Variants in ZSWIM6 observed in about 807,000 individuals in gnomAD.
ZSWIM6 encodes zinc finger SWIM-type containing 6, also known as zinc finger SWIM domain-containing protein 6.
Under a neutral mutation model 113.2 loss-of-function variants are expected in ZSWIM6, and 9 were observed. The observed-to-expected ratio is 0.08, with a 90% confidence interval of 0.05 to 0.14. The LOEUF (loss-of-function observed/expected upper bound fraction) is 0.14, where lower values mean the gene tolerates loss of function less well. ZSWIM6 is among the 10% of genes least tolerant of loss of function. The pLI, the probability that ZSWIM6 is intolerant of heterozygous loss-of-function variation, is 1.00. For synonymous variants in ZSWIM6, 611 were observed against 606.5 expected, an observed-to-expected ratio of 1.01 and a Z score of -0.11; for missense variants, 1,162 against 1,552.2, an observed-to-expected ratio of 0.75 and a Z score of 4.22.
chr5:61,356,769 AATAT>A (rs1461832346), intron 1 of ZSWIM6, among the ~76,000 whole-genome samples: 2 of 140,490 alleles, frequency 1.4e-5, no homozygotes, highest in Admixed American at 7.5e-5. Context: ...TAATATGTAT[AATAT>A]ATATATAAAT....
chr5:61,460,636 A>T (rs1218696118), intron 1 of ZSWIM6, among the ~76,000 whole-genome samples: 1 of 152,188 alleles, frequency 6.6e-6, no homozygotes. Flanking sequence ...TTGTCCAATA[A>T]TGCAGTGACT....
intron 1 of ZSWIM6, among the ~76,000 whole-genome samples, chr5:61,376,423 T>C (rs1745374888): frequency 6.6e-6 from 1 of 151,926 alleles, no homozygotes; most frequent in African/African-American, 2.4e-5. Context: ...ATGGACACAG[T>C]AGCCATGCTT....
At chr5:61,358,082 G>C (rs895514335) in intron 1 of ZSWIM6, among the ~76,000 whole-genome samples, 3 of 152,240 alleles carry the variant, frequency 2.0e-5, no homozygotes, top group South Asian at 4.1e-4. Flanking sequence ...CCACCATTTT[G>C]TATGTCTTCT....
intron 1 of ZSWIM6, among the ~76,000 whole-genome samples, chr5:61,452,922 G>A (rs984041003): frequency 6.6e-6 from 1 of 152,164 alleles, no homozygotes; most frequent in East Asian, 1.9e-4. Context: ...CACTTTTGAA[G>A]AGTACTGGTT....
intron 4 of ZSWIM6, among the ~76,000 whole-genome samples, chr5:61,505,797 G>A (rs1748602994): frequency 6.7e-6 from 1 of 149,726 alleles, no homozygotes; most frequent in Non-Finnish European, 1.5e-5. Context: ...CACCCAGGCT[G>A]GAGTGCAGTG....
Position 61,333,190 on chromosome 5 carries a change from C to T in ZSWIM6, c.676+242C>T, listed in dbSNP as rs982356367. On this transcript the variant is annotated intron_variant, in intron 1 of 13. Transcript: ENST00000252744. ...AAATGAATCAGCAGGACGCGCCCCT[C>T]CGTGGGCTCCGCGCCCCCGGCCCGC... is the stretch of plus-strand genomic sequence containing the variant. Among the ~76,000 whole-genome samples the T allele has an allele frequency of 6.8e-4, 104 of 152,090 alleles. 2 individuals are homozygous for T. Among genetic ancestry groups the T allele is most frequent in the Admixed American group, 6.8e-3 (104 of 15,304 alleles).
At chr5:61,511,754 A>T (rs552704020) in intron 4 of ZSWIM6, among the ~76,000 whole-genome samples, 1 of 152,272 alleles carries the variant, frequency 6.6e-6, no homozygotes. Context: ...GAGCTACCAA[A>T]TTTATGGTAT....
chr5:61,355,910 C>G (rs1744897638), intron 1 of ZSWIM6, among the ~76,000 whole-genome samples: 1 of 152,124 alleles, frequency 6.6e-6, no homozygotes, highest in South Asian at 2.1e-4. Context: ...TTTAAAATTA[C>G]ATAGTGGCTT....
chr5:61,390,714 A>T (rs1745688919), intron 1 of ZSWIM6: 6 of 807,470 alleles, frequency 7.4e-6, no homozygotes, highest in African/African-American at 1.7e-5. Flanking sequence ...GAGTGGTGCC[A>T]TGAATGCTGT....
intron 1 of ZSWIM6, among the ~76,000 whole-genome samples, chr5:61,435,653 C>G (rs1746690482): frequency 6.6e-6 from 1 of 152,188 alleles, no homozygotes; most frequent in African/African-American, 2.4e-5. Context: ...ATCAGGATAA[C>G]TATTCCAAAC....
At position 61,332,698 on chromosome 5, in the gene ZSWIM6, TGGCGGCGGCGGCGCGGGCGGC is replaced by T. The variant is rs746096842; in HGVS notation, c.440_460del (p.Ala147_Gly153del). The stretch of plus-strand genomic sequence containing the variant: ...CGGGCGGCCCCGGCGACGACAGCGG[TGGCGGCGGCGGCGCGGGCGGC>T]GGCGGCGGCGGCGGCTCCTCGTCTT... On this transcript the variant is annotated inframe_deletion, in exon 1 of 14. Transcript: ENST00000252744. 35 of 967,228 alleles carry T rather than the reference TGGCGGCGGCGGCGCGGGCGGC, an allele frequency of 3.6e-5. No individual in the cohort carries two copies. The South Asian group carries it at 3.9e-4, about 11-fold the overall frequency. The allele number at this position is 967,228 out of a possible 1,614,324, so 59.9% of individuals were successfully genotyped here.
In ZSWIM6 at chr5:61,332,557, G is replaced by A. The variant is rs1178360731; in HGVS notation, c.285G>A (p.Glu95=). Residue 95 remains glutamate, a synonymous_variant, in exon 1 of 14, where the codon GAG becomes GAA. Transcript: ENST00000252744. ...VAEKWPFQRV[E]ERFERIPEPV... is the part of the protein sequence containing the mutation. ...AGAAGTGGCCGTTCCAGCGCGTGGA[G>A]GAGCGCTTTGAGCGCATCCCGGAGC... is the stretch of plus-strand genomic sequence containing the variant. 1 of 1,363,520 alleles carries A rather than the reference G, an allele frequency of 7.3e-7. No individual in the cohort carries two copies. Among genetic ancestry groups the A allele is most frequent in the South Asian group, 1.3e-5 (1 of 78,114 alleles). 84.5% of individuals were successfully genotyped at this position (1,363,520 alleles called of 1,614,324 possible).
Position 61,332,573 on chromosome 5 carries a change from A to G in ZSWIM6, c.301A>G (p.Ile101Val). The change falls in exon 1 of 14, where the codon ATC (isoleucine) becomes GTC (valine). Residue 101 changes from isoleucine to valine, a missense_variant. This residue lies in a region of ZSWIM6 where 333 missense variants were observed against 293.4 expected (regional missense o/e 1.13). Coordinates refer to ENST00000252744, the MANE Select transcript of ZSWIM6 (RefSeq NM_020928.2). Reference sequence around the variant, plus strand: ...GCGCGTGGAGGAGCGCTTTGAGCGCATCCCGGAGCCGGTGCAGCGCCGCAT... The same window carrying G: ...GCGCGTGGAGGAGCGCTTTGAGCGCGTCCCGGAGCCGGTGCAGCGCCGCAT... ...FQRVEERFER[I>V]PEPVQRRIVY... 1 of 1,362,836 alleles carries G rather than the reference A, an allele frequency of 7.3e-7. No individual in the cohort carries two copies. Among genetic ancestry groups the G allele is most frequent in the Non-Finnish European group, 9.7e-7 (1 of 1,031,030 alleles). 84.4% of individuals were successfully genotyped at this position (1,362,836 alleles called of 1,614,324 possible).
At position 61,441,001 on chromosome 5, in the gene ZSWIM6, G is replaced by T. The variant is rs541410125; in HGVS notation, c.677-31680G>T. Among the ~76,000 whole-genome samples, 34 of 152,286 alleles carry T rather than the reference G, an allele frequency of 2.2e-4. No individual in the cohort carries two copies. The South Asian group carries it at 2.7e-3, about 12-fold the overall frequency. ...TGTGTGTGGGGCTGATGAGGTTCTAGGTAACAGTGGCCTTTCGCTGTGTTG... is the reference window on the plus strand; with the variant it reads ...TGTGTGTGGGGCTGATGAGGTTCTATGTAACAGTGGCCTTTCGCTGTGTTG... On this transcript the variant is annotated intron_variant, in intron 1 of 13. Transcript: ENST00000252744.
At chr5:61,367,674 C>T (rs994716468) in intron 1 of ZSWIM6, among the ~76,000 whole-genome samples, 2 of 152,166 alleles carry the variant, frequency 1.3e-5, no homozygotes, top group Admixed American at 1.3e-4. Flanking sequence ...ATGCTTTCTC[C>T]ATTATCTCAA....
chr5:61,530,035 T>C lies in ZSWIM6; in HGVS notation c.1838-17T>C. Reference sequence around the variant, plus strand: ...CCCTTCTACTCCCCCATTTCTCAATTCCCTTTCCTTACACAGAGCTACCCC... The same window carrying C: ...CCCTTCTACTCCCCCATTTCTCAATCCCCTTTCCTTACACAGAGCTACCCC... On this transcript the variant is annotated splice_polypyrimidine_tract_variant and intron_variant, in intron 7 of 13. Transcript: ENST00000252744. The C allele has an allele frequency of 6.5e-7, 1 of 1,534,444 alleles. No homozygotes were observed. The highest frequency in any genetic ancestry group is 8.8e-7 in the Non-Finnish European group (1 of 1,136,184).
chr5:61,441,628 T>C (rs979759669), intron 1 of ZSWIM6, among the ~76,000 whole-genome samples: 4 of 152,218 alleles, frequency 2.6e-5, no homozygotes, highest in African/African-American at 9.6e-5. Context: ...ACAGCCCATC[T>C]TGTAGCCTAG....
rs528996403 is a variant in ZSWIM6, at chr5:61,472,413, A to G, written c.677-268A>G. ...CGTGATCTAACCACTTCCTATAGGTATGATGGTGTTGTATGGCAATATATG... is the reference window on the plus strand; with the variant it reads ...CGTGATCTAACCACTTCCTATAGGTGTGATGGTGTTGTATGGCAATATATG... On this transcript the variant is annotated intron_variant, in intron 1 of 13. Transcript: ENST00000252744. This position sits in a 1 kb window ranked among gnomAD's most constrained non-coding sequence, Gnocchi z 4.1. 3.3e-5 allele frequency among the ~76,000 whole-genome samples: 5 copies of G among 152,304 alleles called. No individual in the cohort carries two copies. Among genetic ancestry groups the G allele is most frequent in the Admixed American group, 6.5e-5 (1 of 15,298 alleles).
At chr5:61,507,822 C>T (rs1006896620) in intron 4 of ZSWIM6, among the ~76,000 whole-genome samples, 5 of 152,094 alleles carry the variant, frequency 3.3e-5, no homozygotes, top group Non-Finnish European at 5.9e-5. Context: ...ATACTATTTA[C>T]ATTATATGCT....
Sources: gnomAD v4.1 joint callset for allele counts (sites outside exome capture counted in the v4.1 genomes callset) on GRCh38, gnomAD v4.1.1 for gene constraint, gnomAD v4.1.1 regional missense constraint, Gnocchi (gnomAD v3.1) non-coding constraint, MANE v1.5 for transcripts, NCBI Gene and HGNC (gene_info 2026-07-23, HGNC 2026-07-21) for gene names.